Variants in ASIC2 observed in about 807,000 individuals in gnomAD.
ASIC2 encodes the protein acid sensing ion channel subunit 2, also known as acid-sensing ion channel 2.
A neutral mutation model predicts 57.3 loss-of-function variants in ASIC2; 25 were observed. The observed-to-expected ratio is 0.44, with a 90% CI of 0.32 to 0.61. The LOEUF is 0.61. ASIC2 is among the 20% of genes least tolerant of loss of function. The probability of loss-of-function intolerance (pLI) is 0.06; values close to 1 mark genes in which losing one functional copy is unlikely to be tolerated. For missense variants in ASIC2, 641 were observed against 738.1 expected, an observed-to-expected ratio of 0.87 and a Z score of 1.52; for synonymous variants, 319 against 307.5, an observed-to-expected ratio of 1.04 and a Z score of -0.39.
At chr17:33,023,134 G>T (rs557008200) in intron 6 of ASIC2, among the ~76,000 whole-genome samples, 1 of 152,214 alleles carries the variant, frequency 6.6e-6, no homozygotes, top group South Asian at 2.1e-4. Flanking sequence ...GGGAGGAAAA[G>T]AATTCTAGGC....
intron 1 of ASIC2, among the ~76,000 whole-genome samples, chr17:33,754,957 CAAAAAAA>C (rs58392305): frequency 6.9e-5 from 4 of 57,948 alleles, no homozygotes; most frequent in East Asian, 1.0e-3. Context: ...GACTCCATCT[CAAAAAAA>C]AAAAAAAAAA....
intron 1 of ASIC2, among the ~76,000 whole-genome samples, chr17:33,406,018 T>C (rs553494493): frequency 7.0e-6 from 1 of 142,368 alleles, no homozygotes; most frequent in East Asian, 3.4e-4. Flanking sequence ...CAAAACAGGC[T>C]CTTTCCATGA....
intron 1 of ASIC2, among the ~76,000 whole-genome samples, chr17:34,020,656 C>G (rs1597977252): frequency 6.6e-6 from 1 of 152,244 alleles, no homozygotes; most frequent in South Asian, 2.1e-4. Context: ...AGCCCAGCTC[C>G]CAGCTGACAA....
At chr17:33,975,360 C>T (rs548859224) in intron 1 of ASIC2, among the ~76,000 whole-genome samples, 8 of 152,104 alleles carry the variant, frequency 5.3e-5, no homozygotes, top group African/African-American at 1.9e-4. Context: ...GCTCAATCTT[C>T]GCCCTCTATC....
chr17:33,690,201 A>C (rs556430272), intron 1 of ASIC2, among the ~76,000 whole-genome samples: 1 of 152,214 alleles, frequency 6.6e-6, no homozygotes, highest in Non-Finnish European at 1.5e-5. Context: ...TTTATCTATT[A>C]TTGTGTAAAA....
At chr17:33,531,373 G>A (rs895680492) in intron 1 of ASIC2, among the ~76,000 whole-genome samples, 2 of 152,162 alleles carry the variant, frequency 1.3e-5, no homozygotes, top group Non-Finnish European at 2.9e-5. Context: ...CTGACATCTT[G>A]AGCAGACCAA....
chr17:33,492,968 C>G (rs1913807871), intron 1 of ASIC2, among the ~76,000 whole-genome samples: 1 of 152,228 alleles, frequency 6.6e-6, no homozygotes, highest in Non-Finnish European at 1.5e-5. Context: ...CAGCTGAAAT[C>G]TCTCCAGAAC....
chr17:33,614,348 G>C (rs1054698350), intron 1 of ASIC2, among the ~76,000 whole-genome samples: 4 of 152,168 alleles, frequency 2.6e-5, no homozygotes, highest in African/African-American at 9.7e-5. Context: ...CAGGATTCCT[G>C]AACTTCTGCC....
At chr17:33,639,908 A>G (rs1248332451) in intron 1 of ASIC2, among the ~76,000 whole-genome samples, 5 of 152,192 alleles carry the variant, frequency 3.3e-5, no homozygotes, top group Non-Finnish European at 7.3e-5. Flanking sequence ...CCCTTTGAGC[A>G]ATTGCATTAG....
intron 1 of ASIC2, among the ~76,000 whole-genome samples, chr17:33,707,523 C>A (rs113436887): frequency 1.3e-5 from 2 of 152,114 alleles, no homozygotes; most frequent in African/African-American, 4.8e-5. Context: ...TAATTTTAAT[C>A]TCTAGGAGAA....
Position 33,638,563 on chromosome 17 carries a change from T to TAC in ASIC2, c.555+517413_555+517414dup, listed in dbSNP as rs34933757. On this transcript the variant is annotated intron_variant, in intron 1 of 9. Coordinates refer to the ASIC2 transcript ENST00000359872. Reference sequence around the variant, plus strand: ...CATGAATGCATGCCTGCCTAGTTTGTACACACACACACACACACAAACATT... The same window carrying TAC: ...CATGAATGCATGCCTGCCTAGTTTGTACACACACACACACACACACAAACATT... 3.3e-3 allele frequency among the ~76,000 whole-genome samples: 498 copies of TAC among 151,106 alleles called. 2 individuals carry two copies. Among genetic ancestry groups the TAC allele is most frequent in the African/African-American group, 8.0e-3 (332 of 41,322 alleles).
At chr17:33,579,116 C>A (rs958069505) in intron 1 of ASIC2, among the ~76,000 whole-genome samples, 1 of 151,908 alleles carries the variant, frequency 6.6e-6, no homozygotes, top group South Asian at 2.1e-4. Context: ...GAAACCCCGT[C>A]TCTACTAAAA....
intron 1 of ASIC2, among the ~76,000 whole-genome samples, chr17:34,035,781 A>T (rs994329390): frequency 6.6e-6 from 1 of 152,220 alleles, no homozygotes; most frequent in Admixed American, 6.5e-5. Context: ...CACGTGAAAA[A>T]ATGCTCACCA....
intron 1 of ASIC2, among the ~76,000 whole-genome samples, chr17:33,860,923 C>A (rs1019862609): frequency 6.6e-6 from 1 of 152,210 alleles, no homozygotes; most frequent in African/African-American, 2.4e-5. Flanking sequence ...TGATCTCTGT[C>A]TTTAGCAGCC....
intron 1 of ASIC2, among the ~76,000 whole-genome samples, chr17:34,104,818 T>G (rs1345435147): frequency 7.3e-6 from 1 of 137,290 alleles, no homozygotes; most frequent in African/African-American, 3.2e-5. Context: ...AAAATTTAAT[T>G]GGTTATAATA....
intron 1 of ASIC2, among the ~76,000 whole-genome samples, chr17:33,964,251 G>A (rs147359390): frequency 1.3e-5 from 2 of 152,196 alleles, no homozygotes; most frequent in Non-Finnish European, 2.9e-5. Flanking sequence ...GACTCCACGA[G>A]TCTATCACAC....
At chr17:34,135,098 G>A (rs957891453) in intron 1 of ASIC2, among the ~76,000 whole-genome samples, 3 of 152,228 alleles carry the variant, frequency 2.0e-5, no homozygotes, top group Non-Finnish European at 2.9e-5. Context: ...TGCTAGAAGT[G>A]GAGGCTCTTT....
At position 33,014,636 on chromosome 17, in the gene ASIC2, G is replaced by T. The variant is rs558092212; in HGVS notation, c.1591-570C>A. Among the ~76,000 whole-genome samples, 22 of 152,244 alleles carry T rather than the reference G, an allele frequency of 1.4e-4. No individual in the cohort carries two copies. In the South Asian group the frequency reaches 1.5e-3, roughly 10 times the overall value. ...CTGGCCGCACATGAATCTTCAGGGT[G>T]GTTCCCAGGCTGTGGTGGGTGGGAG... On this transcript the variant is annotated intron_variant, in intron 9 of 9. Coordinates refer to ENST00000225823, the MANE Select transcript of ASIC2 (RefSeq NM_183377.2).
At chr17:33,339,628 G>T (rs1039717654) in intron 1 of ASIC2, among the ~76,000 whole-genome samples, 1 of 152,188 alleles carries the variant, frequency 6.6e-6, no homozygotes, top group Admixed American at 6.5e-5. Context: ...CCTCAGAAAG[G>T]TGGGGTTTCC....
Sources: gnomAD v4.1 joint callset for allele counts (sites outside exome capture counted in the v4.1 genomes callset) on GRCh38, gnomAD v4.1.1 for gene constraint, MANE v1.5 for transcripts, NCBI Gene and HGNC (gene_info 2026-07-23, HGNC 2026-07-21) for gene names.